DCC: variants seen among roughly 807,000 people sequenced by gnomAD.
DCC encodes the protein netrin receptor DCC.
Under a neutral mutation model 172.5 loss-of-function variants are expected in DCC, and 58 were observed. That is an observed-to-expected ratio of 0.34 (90% CI 0.27 to 0.42). DCC has a LOEUF of 0.42. Among genes scored for constraint, DCC ranks in the 10% least tolerant of loss-of-function variants. The probability of loss-of-function intolerance (pLI) is 1.00; values close to 1 mark genes in which losing one functional copy is unlikely to be tolerated. For missense variants in DCC, 1,740 were observed against 1,791.0 expected (o/e 0.97, Z 0.51); for synonymous variants, 709 against 644.5 (o/e 1.10, Z -1.52).
At chr18:53,478,491 A>T (rs1024537352) in intron 25 of DCC, among the ~76,000 whole-genome samples, 2 of 152,098 alleles carry the variant, frequency 1.3e-5, no homozygotes. Context: ...AAAGTATGAG[A>T]GGTTTTTGGG....
chr18:53,470,810 T>A (rs769337562), intron 25 of DCC, among the ~76,000 whole-genome samples: 5 of 152,166 alleles, frequency 3.3e-5, no homozygotes, highest in Non-Finnish European at 7.3e-5. Context: ...ACGAGGATCA[T>A]GGGGGGAACT....
At chr18:53,526,847 T>TGCACCCCAGG (rs2046461788) in intron 28 of DCC, 88 bp downstream of exon 28, 3 of 1,125,110 alleles carry the variant, frequency 2.7e-6, no homozygotes, top group Admixed American at 2.7e-5. Context: ...GTACTGTCCA[T>TGCACCCCAGG]TCACCCCAGG....
In DCC at chr18:52,474,595, A is replaced by G. The variant is rs184828380; in HGVS notation, c.91+133717A>G. 2.3e-4 allele frequency among the ~76,000 whole-genome samples: 35 copies of G among 152,314 alleles called. No individual in the cohort carries two copies. In the East Asian group the frequency reaches 6.6e-3, roughly 29 times the overall value. On this transcript the variant is annotated intron_variant, in intron 1 of 28. Transcript: ENST00000442544. ...CTGAACTCACTGAGGTTGTGACTTC[A>G]TCTGTCCCTGCAACTGCAGGAGGCC...
At chr18:53,492,712 T>C (rs1389755236) in intron 26 of DCC, among the ~76,000 whole-genome samples, 3 of 152,232 alleles carry the variant, frequency 2.0e-5, no homozygotes, top group Non-Finnish European at 4.4e-5. Context: ...ACTGTAGCCT[T>C]GTAGAATATT....
At chr18:53,142,996 T>G (rs1486236514) in intron 7 of DCC, among the ~76,000 whole-genome samples, 1 of 152,204 alleles carries the variant, frequency 6.6e-6, no homozygotes, top group African/African-American at 2.4e-5. Context: ...CTGGTATTCT[T>G]TTTGGAAAGA....
intron 9 of DCC, among the ~76,000 whole-genome samples, chr18:53,195,720 T>C (rs1182209012): frequency 6.6e-6 from 1 of 152,164 alleles, no homozygotes; most frequent in Non-Finnish European, 1.5e-5. Flanking sequence ...CATCCTTCAT[T>C]CATCCATCTA....
At chr18:52,998,658 A>C (rs1337233553) in intron 5 of DCC, among the ~76,000 whole-genome samples, 1 of 151,900 alleles carries the variant, frequency 6.6e-6, no homozygotes, top group African/African-American at 2.4e-5. Context: ...CTTTTATGAA[A>C]CTCTAGAGAA....
At chr18:52,523,368 T>TA (rs5824943) in intron 1 of DCC, among the ~76,000 whole-genome samples, 36,834 of 152,056 alleles carry the variant, frequency 0.24, 4,602 homozygotes, top group African/African-American at 0.29. Flanking sequence ...TTGTCAAACT[T>TA]AGAGTAGATG....
At position 53,410,585 on chromosome 18, in the gene DCC, A is replaced by G; in HGVS notation, c.3069A>G (p.Gln1023=). Residue 1023 remains glutamine (Q), a synonymous_variant, in exon 20 of 29, where the codon CAA becomes CAG. Coordinates refer to ENST00000442544, the MANE Select transcript of DCC (RefSeq NM_005215.4). ...ATACTATGTATTACTTTCGAATTCAAGCACGAAATTCAAAAGGAGTGGGGC... is the reference window on the plus strand; with the variant it reads ...ATACTATGTATTACTTTCGAATTCAGGCACGAAATTCAAAAGGAGTGGGGC... ...NLDTMYYFRI[Q]ARNSKGVGPL... is the part of the protein sequence containing the mutation. 6.2e-7 allele frequency: 1 copy of G among 1,611,430 alleles called. No homozygotes were observed. Among genetic ancestry groups the G allele is most frequent in the East Asian group, 2.2e-5 (1 of 44,846 alleles).
chr18:53,426,650 C>CTT (rs113072821), intron 21 of DCC, among the ~76,000 whole-genome samples: 6 of 150,264 alleles, frequency 4.0e-5, no homozygotes, highest in South Asian at 2.1e-4. Context: ...TGTTTGTTTT[C>CTT]TTTTTTTTGA....
chr18:52,906,156 G>A lies in DCC; in HGVS notation c.525G>A (p.Lys175=). 6.2e-7 allele frequency: 1 copy of A among 1,614,084 alleles called. No homozygotes were observed. Among genetic ancestry groups the A allele is most frequent in the East Asian group, 2.2e-5 (1 of 44,846 alleles). Reference sequence around the variant, plus strand: ...CCATGCCAACAATCCACTGGCAGAAGAACCAACAAGACCTGACTCCAATCC... The same window carrying A: ...CCATGCCAACAATCCACTGGCAGAAAAACCAACAAGACCTGACTCCAATCC... ...GEPMPTIHWQ[K]NQQDLTPIPG... Residue 175 remains lysine (K), a synonymous_variant, in exon 3 of 29, where the codon AAG becomes AAA. Transcript: ENST00000442544.
At chr18:52,963,286 A>G (rs1360685831) in intron 5 of DCC, among the ~76,000 whole-genome samples, 1 of 151,676 alleles carries the variant, frequency 6.6e-6, no homozygotes, top group African/African-American at 2.4e-5. Flanking sequence ...CATAATAAGC[A>G]TGCCTACATG....
chr18:52,698,147 A>G (rs2036043921), intron 1 of DCC, among the ~76,000 whole-genome samples: 1 of 152,220 alleles, frequency 6.6e-6, no homozygotes, highest in South Asian at 2.1e-4. Context: ...GAAGTAATAA[A>G]AAATTCAAAA....
chr18:52,761,610 T>G (rs2037160817), intron 2 of DCC, among the ~76,000 whole-genome samples: 1 of 152,142 alleles, frequency 6.6e-6, no homozygotes, highest in Non-Finnish European at 1.5e-5. Context: ...CAAATTTATC[T>G]TTTCATTCTA....
chr18:52,501,495 T>C (rs536946473), intron 1 of DCC, among the ~76,000 whole-genome samples: 1 of 152,146 alleles, frequency 6.6e-6, no homozygotes, highest in African/African-American at 2.4e-5. Flanking sequence ...AGAATAACTA[T>C]CAAGTTTCAG....
At chr18:53,518,969 G>A (rs76854209) in intron 27 of DCC, among the ~76,000 whole-genome samples, 143 of 152,140 alleles carry the variant, frequency 9.4e-4, no homozygotes, top group South Asian at 2.1e-3. Flanking sequence ...AAAAATGACA[G>A]AACATTTATT....
intron 7 of DCC, among the ~76,000 whole-genome samples, chr18:53,101,325 G>C (rs562033833): frequency 2.0e-5 from 3 of 152,182 alleles, no homozygotes; most frequent in African/African-American, 4.8e-5. Flanking sequence ...GCAAGTCAGA[G>C]ATGAGTAGGG....
At chr18:53,161,528 T>A (rs2054839587) in intron 8 of DCC, among the ~76,000 whole-genome samples, 2 of 152,216 alleles carry the variant, frequency 1.3e-5, no homozygotes, top group Admixed American at 1.3e-4. Flanking sequence ...TGTTCCAAAT[T>A]TGTATCTCTG....
At chr18:53,264,476 CAAAAAAAAA>C (rs935972832) in intron 12 of DCC, among the ~76,000 whole-genome samples, 1 of 46,286 alleles carries the variant, frequency 2.2e-5, no homozygotes, top group African/African-American at 6.7e-5. Flanking sequence ...AACTCCGTCT[CAAAAAAAAA>C]AAAAAAAAAA....
Sources: allele counts gnomAD v4.1 joint callset (sites outside exome capture counted in the v4.1 genomes callset), GRCh38; gene constraint gnomAD v4.1.1; transcripts MANE v1.5; gene names NCBI Gene and HGNC (gene_info 2026-07-23, HGNC 2026-07-21).